GSG1L: variants seen among roughly 807,000 people sequenced by gnomAD.
GSG1L encodes the protein germ cell-specific gene 1-like protein.
A neutral mutation model predicts 42.1 loss-of-function variants in GSG1L; 24 were observed. The ratio of observed to expected loss-of-function variants is 0.57; its 90% CI spans 0.41 to 0.80. The LOEUF is 0.80. Among genes scored for constraint, GSG1L ranks in the 30% least tolerant of loss-of-function variants. The probability of loss-of-function intolerance (pLI) is 0.00; values close to 1 mark genes in which losing one functional copy is unlikely to be tolerated. For synonymous variants in GSG1L, 215 were observed against 203.5 expected, an observed-to-expected ratio of 1.06 and a Z score of -0.48; for missense variants, 445 against 472.2, an observed-to-expected ratio of 0.94 and a Z score of 0.53.
At position 27,846,567 on chromosome 16, in the gene GSG1L, C is replaced by A. The variant is rs887462118; in HGVS notation, c.551-1506G>T. On this transcript the variant is annotated intron_variant, in intron 3 of 6. Transcript: ENST00000447459. ...TCTATTTATCCCCAAATACGAGAGA[C>A]CATGCTTTAAGGAAATTCAATAAGT... is the stretch of plus-strand genomic sequence containing the variant. Among the ~76,000 whole-genome samples the A allele has an allele frequency of 6.6e-5, 10 of 152,158 alleles. 1 individual carries two copies. Among genetic ancestry groups the A allele is most frequent in the Admixed American group, 6.5e-4 (10 of 15,278 alleles).
At chr16:27,836,760 G>T (rs2083325519) in intron 4 of GSG1L, among the ~76,000 whole-genome samples, 1 of 152,056 alleles carries the variant, frequency 6.6e-6, no homozygotes. Context: ...AAGGGTGTTT[G>T]CAACTGCTTG....
At chr16:28,000,018 A>C (rs1421292704) in intron 1 of GSG1L, among the ~76,000 whole-genome samples, 4 of 152,240 alleles carry the variant, frequency 2.6e-5, no homozygotes, top group Admixed American at 2.6e-4. Flanking sequence ...CTTCCTCATC[A>C]TACAGTGGAA....
chr16:27,821,706 C>A lies in GSG1L; in HGVS notation c.830+7083G>T, dbSNP rs553077925. On this transcript the variant is annotated intron_variant, in intron 5 of 6. Transcript: ENST00000447459. ...CCGAGATCAGGAGATCACGACCATCCTGGGTAACACGGTGAAACCCCGTCT... is the reference window on the plus strand; with the variant it reads ...CCGAGATCAGGAGATCACGACCATCATGGGTAACACGGTGAAACCCCGTCT... 2.0e-5 allele frequency among the ~76,000 whole-genome samples: 3 copies of A among 152,030 alleles called. No individual in the cohort carries two copies. The South Asian group carries it at 6.3e-4, about 32-fold the overall frequency.
At chr16:27,882,556 C>T (rs564435742) in intron 3 of GSG1L, among the ~76,000 whole-genome samples, 32 of 152,266 alleles carry the variant, frequency 2.1e-4, no homozygotes, top group Non-Finnish European at 3.7e-4. Flanking sequence ...ATGTGAAGTT[C>T]CCAGAATATG....
chr16:27,833,232 A>T (rs991189823), intron 4 of GSG1L, among the ~76,000 whole-genome samples: 4 of 151,226 alleles, frequency 2.6e-5, no homozygotes, highest in Non-Finnish European at 5.9e-5. Flanking sequence ...TGCCTGCCCC[A>T]CCCCTGCCAC....
intron 1 of GSG1L, among the ~76,000 whole-genome samples, chr16:27,967,766 C>T (rs969361104): frequency 1.3e-5 from 2 of 152,012 alleles, no homozygotes; most frequent in Non-Finnish European, 2.9e-5. Flanking sequence ...TACAAAAATT[C>T]GCTGGGTGTG....
At chr16:27,922,480 C>T (rs761433793) in intron 2 of GSG1L, among the ~76,000 whole-genome samples, 6 of 152,186 alleles carry the variant, frequency 3.9e-5, no homozygotes, top group Admixed American at 2.0e-4. Context: ...CCGACCCGAT[C>T]GATAGTACCG....
At chr16:27,871,356 T>C (rs986512455) in intron 3 of GSG1L, among the ~76,000 whole-genome samples, 1 of 151,992 alleles carries the variant, frequency 6.6e-6, no homozygotes, top group Non-Finnish European at 1.5e-5. Context: ...ATAAATTAAT[T>C]TGGGGCCGGG....
chr16:27,882,137 TCTC>T (rs1243824482), intron 3 of GSG1L, among the ~76,000 whole-genome samples: 4 of 152,112 alleles, frequency 2.6e-5, no homozygotes, highest in African/African-American at 9.7e-5. Flanking sequence ...CTCATGCTGT[TCTC>T]CTGATAGTGA....
At position 27,928,915 on chromosome 16, in the gene GSG1L, C is replaced by G. The variant is rs117427961; in HGVS notation, c.397+34241G>C. Among the ~76,000 whole-genome samples the G allele has an allele frequency of 8.0e-3, 1,215 of 152,336 alleles. 7 individuals carry two copies. The highest frequency in any genetic ancestry group is 0.013 in the Non-Finnish European group (872 of 68,018). The stretch of plus-strand genomic sequence containing the variant: ...TACAAACTAGCAGACTGAAAACTCT[C>G]CAAATCACGGAGTGATGATTCACAG... On this transcript the variant is annotated intron_variant, in intron 2 of 6. Transcript: ENST00000447459.
chr16:27,880,512 C>A (rs754788675), intron 3 of GSG1L, among the ~76,000 whole-genome samples: 1 of 152,194 alleles, frequency 6.6e-6, no homozygotes, highest in Non-Finnish European at 1.5e-5. Context: ...CAATGACCAG[C>A]TGCATGACCT....
intron 2 of GSG1L, among the ~76,000 whole-genome samples, chr16:27,942,228 C>A (rs1385563477): frequency 6.6e-6 from 1 of 151,432 alleles, no homozygotes; most frequent in Non-Finnish European, 1.5e-5. Flanking sequence ...CGGCTCACGG[C>A]AACCTCTGCC....
In GSG1L at chr16:27,826,136, G is replaced by A. The variant is rs370621049; in HGVS notation, c.830+2653C>T. 6.2e-4 allele frequency among the ~76,000 whole-genome samples: 95 copies of A among 152,296 alleles called. 2 individuals carry two copies. In the South Asian group the frequency reaches 0.019, roughly 30 times the overall value. On this transcript the variant is annotated intron_variant, in intron 5 of 6. Transcript: ENST00000447459. ...AGGAGAGGCCTCACGGAAGCATCCC[G>A]TGGCACAGTAAGTAGAAAGGTCCCA...
intron 2 of GSG1L, among the ~76,000 whole-genome samples, chr16:27,899,536 G>A (rs1010810342): frequency 1.1e-4 from 16 of 152,174 alleles, no homozygotes; most frequent in African/African-American, 3.9e-4. Flanking sequence ...GGGCAACACA[G>A]TGAGACCCTG....
intron 4 of GSG1L, among the ~76,000 whole-genome samples, chr16:27,837,665 T>C (rs1302661369): frequency 6.6e-6 from 1 of 152,232 alleles, no homozygotes; most frequent in Non-Finnish European, 1.5e-5. Flanking sequence ...GAGATGAAAG[T>C]CCACCTGGTG....
At chr16:28,025,922 G>T (rs2085895804) in intron 1 of GSG1L, among the ~76,000 whole-genome samples, 3 of 152,174 alleles carry the variant, frequency 2.0e-5, no homozygotes, top group African/African-American at 7.2e-5. Context: ...TAATGGGCTT[G>T]GGGAAGACAG....
chr16:27,801,881 A>G (rs1282675149), intron 6 of GSG1L, among the ~76,000 whole-genome samples: 1 of 152,158 alleles, frequency 6.6e-6, no homozygotes, highest in Admixed American at 6.5e-5. Context: ...TTTAGGGTTA[A>G]ATGAGTGAAT....
chr16:27,838,351 ACCCC>A (rs1336148241), intron 4 of GSG1L, among the ~76,000 whole-genome samples: 1 of 151,910 alleles, frequency 6.6e-6, no homozygotes, highest in Non-Finnish European at 1.5e-5. Context: ...TGTTCCTCTC[ACCCC>A]CCAGGGCCCC....
chr16:27,879,371 G>A (rs373892108), intron 3 of GSG1L, among the ~76,000 whole-genome samples: 3 of 152,314 alleles, frequency 2.0e-5, no homozygotes, highest in Non-Finnish European at 4.4e-5. Context: ...TTGGGAGGCC[G>A]AGGAAGGAGG....
Sources: allele counts gnomAD v4.1 joint callset (sites outside exome capture counted in the v4.1 genomes callset), GRCh38; gene constraint gnomAD v4.1.1; transcripts MANE v1.5; gene names NCBI Gene and HGNC (gene_info 2026-07-23, HGNC 2026-07-21).